Variants in DHDDS observed in about 807,000 individuals in gnomAD.
DHDDS encodes the protein dehydrodolichyl diphosphate synthase subunit.
DHDDS carries 16 observed loss-of-function variants against 46.2 expected under a neutral mutation model. The ratio of observed to expected loss-of-function variants is 0.35; its 90% CI spans 0.23 to 0.53. DHDDS has a LOEUF of 0.53. Among genes scored for constraint, DHDDS ranks in the 20% least tolerant of loss-of-function variants. The pLI, the probability that DHDDS is intolerant of heterozygous loss-of-function variation, is 0.94. For synonymous variants in DHDDS, 151 were observed against 163.1 expected (o/e 0.93, Z 0.56); for missense variants, 340 against 423.7 (o/e 0.80, Z 1.73).
Position 26,469,250 on chromosome 1 carries a change from C to G in DHDDS, c.*119C>G. 2 of 1,575,426 alleles carry G rather than the reference C, an allele frequency of 1.3e-6. No homozygotes were observed. Among genetic ancestry groups the G allele is most frequent in the Non-Finnish European group, 1.7e-6 (2 of 1,164,718 alleles). ...AATGAATGGTGTTCCCTTTGCTTGGCTGGGGAGCCCCCCAGGCCAGGTTTG... is the reference window on the plus strand; with the variant it reads ...AATGAATGGTGTTCCCTTTGCTTGGGTGGGGAGCCCCCCAGGCCAGGTTTG... On this transcript the variant is annotated 3_prime_UTR_variant, in exon 9 of 9. Coordinates refer to ENST00000236342, the MANE Select transcript of DHDDS (RefSeq NM_205861.3).
intron 6 of DHDDS, among the ~76,000 whole-genome samples, chr1:26,456,263 T>C (rs529255191): frequency 1.3e-5 from 2 of 152,176 alleles, no homozygotes; most frequent in African/African-American, 2.4e-5. Context: ...TCCTAGCTAC[T>C]TGGGAAGCTG....
At chr1:26,441,994 C>T (rs182649213) in intron 3 of DHDDS, among the ~76,000 whole-genome samples, 2 of 151,846 alleles carry the variant, frequency 1.3e-5, no homozygotes, top group Admixed American at 6.6e-5. Context: ...TCCTCCTTTT[C>T]CTCTCTAGGC....
intron 8 of DHDDS, chr1:26,466,948 A>T (rs1369255327): frequency 6.0e-6 from 1 of 167,048 alleles, no homozygotes; most frequent in Non-Finnish European, 1.3e-5. Context: ...CCAGTGCTCC[A>T]GGTGGACTTA....
intron 5 of DHDDS, among the ~76,000 whole-genome samples, 159 bp from the exon 6 acceptor site, chr1:26,447,400 A>C (rs1271714124): frequency 6.6e-6 from 1 of 152,224 alleles, no homozygotes; most frequent in Non-Finnish European, 1.5e-5. Flanking sequence ...TGGAAACCAC[A>C]AAAAACTCAT....
At chr1:26,439,411 C>G (rs2075195745) in intron 3 of DHDDS, among the ~76,000 whole-genome samples, 1 of 151,692 alleles carries the variant, frequency 6.6e-6, no homozygotes, top group Admixed American at 6.6e-5. Context: ...GAGATCCTGT[C>G]TCTACAAAAC....
chr1:26,458,736 G>A (rs1165953568), intron 7 of DHDDS, among the ~76,000 whole-genome samples: 2 of 84,346 alleles, frequency 2.4e-5, no homozygotes, highest in African/African-American at 8.8e-5. Flanking sequence ...AGACTCTGTC[G>A]CAAAAAAAAA....
chr1:26,441,919 T>C (rs2075222759), intron 3 of DHDDS, among the ~76,000 whole-genome samples: 1 of 150,302 alleles, frequency 6.7e-6, no homozygotes, highest in Non-Finnish European at 1.5e-5. Context: ...AAAAAAGATG[T>C]AGGACATTTC....
chr1:26,456,219 T>G (rs4584440), intron 6 of DHDDS, among the ~76,000 whole-genome samples: 31,873 of 152,032 alleles, frequency 0.21, 3,990 homozygotes, highest in Middle Eastern at 0.28. Context: ...ATTTTAAAAA[T>G]AAATTAGCTG....
At chr1:26,443,052 C>CTTTTT (rs113377361) in intron 4 of DHDDS, 179 bp downstream of exon 4, 17,717 of 959,102 alleles carry the variant, frequency 0.018, 8 homozygotes, top group East Asian at 0.033. Flanking sequence ...TTATTTCTAA[C>CTTTTT]TTTTTAATAA....
rs58578241 is a variant in DHDDS at position 26,462,050 on chromosome 1, G to A, written c.765+1906G>A. Among the ~76,000 whole-genome samples, 822 of 150,878 alleles carry A rather than the reference G, an allele frequency of 5.4e-3. 6 individuals are homozygous for A. The highest frequency in any genetic ancestry group is 0.019 in the African/African-American group (771 of 41,042). ...TAATGATGATGATTAGGATAATCACGTGCTATTTTTTGTTTTTTTTTTTTT... is the reference window on the plus strand; with the variant it reads ...TAATGATGATGATTAGGATAATCACATGCTATTTTTTGTTTTTTTTTTTTT... On this transcript the variant is annotated intron_variant, in intron 8 of 8. Transcript: ENST00000236342.
At chr1:26,452,966 C>T (rs1490164691) in intron 6 of DHDDS, among the ~76,000 whole-genome samples, 1 of 152,088 alleles carries the variant, frequency 6.6e-6, no homozygotes, top group Non-Finnish European at 1.5e-5. Context: ...GGTGTGCTGG[C>T]ACACACCTGT....
At chr1:26,451,880 G>A (rs980065625) in intron 6 of DHDDS, among the ~76,000 whole-genome samples, 24 of 151,024 alleles carry the variant, frequency 1.6e-4, no homozygotes, top group African/African-American at 5.9e-4. Flanking sequence ...TGCCTGCCTC[G>A]GCCTCCCAAA....
intron 2 of DHDDS, among the ~76,000 whole-genome samples, chr1:26,436,732 C>A (rs555416471): frequency 6.6e-6 from 1 of 151,870 alleles, no homozygotes; most frequent in Non-Finnish European, 1.5e-5. Context: ...CTGAGTAAGA[C>A]CCTGTTTCAA....
At chr1:26,457,007 G>A (rs952035498) in intron 6 of DHDDS, among the ~76,000 whole-genome samples, 10 of 152,094 alleles carry the variant, frequency 6.6e-5, no homozygotes, top group African/African-American at 2.2e-4. Flanking sequence ...CTGGGCCATA[G>A]GATGTATGTA....
At chr1:26,463,615 T>C in intron 8 of DHDDS, among the ~76,000 whole-genome samples, 1 of 152,146 alleles carries the variant, frequency 6.6e-6, no homozygotes, top group East Asian at 1.9e-4. Context: ...CAAGCGATTC[T>C]CCTGCCTCAG....
At chr1:26,457,749 A>G (rs764453697) in intron 6 of DHDDS, 42 bp from the exon 7 acceptor site, 2 of 1,449,422 alleles carry the variant, frequency 1.4e-6, no homozygotes, top group South Asian at 1.1e-5. Context: ...AGAGAATACT[A>G]CAGGATGTGT....
At chr1:26,450,046 G>A (rs1414642922) in intron 6 of DHDDS, among the ~76,000 whole-genome samples, 1 of 152,210 alleles carries the variant, frequency 6.6e-6, no homozygotes, top group East Asian at 1.9e-4. Context: ...GAGATGTCAG[G>A]TCAACAGTTC....
intron 8 of DHDDS, among the ~76,000 whole-genome samples, chr1:26,461,947 A>G (rs1490441984): frequency 1.3e-5 from 2 of 152,116 alleles, no homozygotes; most frequent in Non-Finnish European, 2.9e-5. Flanking sequence ...CTAAAACTTT[A>G]CCCTTTTTTG....
At chr1:26,447,197 G>C (rs1269020437) in intron 5 of DHDDS, among the ~76,000 whole-genome samples, 1 of 152,104 alleles carries the variant, frequency 6.6e-6, no homozygotes, top group East Asian at 1.9e-4. Flanking sequence ...GTGTGCACCT[G>C]TAATCCCAGC....
Sources: allele counts gnomAD v4.1 joint callset (sites outside exome capture counted in the v4.1 genomes callset), GRCh38; gene constraint gnomAD v4.1.1; transcripts MANE v1.5; gene names NCBI Gene and HGNC (gene_info 2026-07-23, HGNC 2026-07-21).